Variants in ABCC5 observed in about 807,000 individuals in gnomAD.
ABCC5 encodes the protein ATP-binding cassette sub-family C member 5.
ABCC5 carries 61 observed loss-of-function variants against 160.9 expected under a neutral mutation model. The ratio of observed to expected loss-of-function variants is 0.38; its 90% CI spans 0.31 to 0.47. The LOEUF is 0.47. Among genes scored for constraint, ABCC5 ranks in the 20% least tolerant of loss-of-function variants. The pLI is 0.99. For missense variants in ABCC5, 1,308 were observed against 1,813.3 expected, an observed-to-expected ratio of 0.72 and a Z score of 5.06; for synonymous variants, 666 against 700.6, an observed-to-expected ratio of 0.95 and a Z score of 0.78.
chr3:183,993,483 C>CAAAA (rs57885159), intron 2 of ABCC5, among the ~76,000 whole-genome samples: 35 of 105,288 alleles, frequency 3.3e-4, no homozygotes, highest in Non-Finnish European at 4.8e-4. Flanking sequence ...GACCCTGTCT[C>CAAAA]AAAAAAAAAA....
In ABCC5 at chr3:183,921,352, C is replaced by T. The variant is rs1389885914; in HGVS notation, c.4262G>A (p.Arg1421Gln). ...PSVLLSNDSS[R>Q]FYAMFAAAEN... Reference sequence around the variant, plus strand: ...TGCAGCAGCAAACATGGCATAGAATCGGGAACTGTCGTTGGACAGAAGGAC... The same window carrying T: ...TGCAGCAGCAAACATGGCATAGAATTGGGAACTGTCGTTGGACAGAAGGAC... The change falls in exon 30 of 30, where the codon CGA (arginine) becomes CAA (glutamine). Residue 1421 changes from arginine (R) to glutamine (Q), a missense_variant. Arg to Gln is a conservative substitution (Grantham distance 43). Coordinates refer to ENST00000334444, the MANE Select transcript of ABCC5 (RefSeq NM_005688.4). This position sits in a 1 kb window ranked among gnomAD's most constrained non-coding sequence, Gnocchi z 4.1. The T allele has an allele frequency of 2.5e-6, 4 of 1,612,826 alleles. No homozygotes were observed. The highest frequency in any genetic ancestry group is 1.7e-5 in the Admixed American group (1 of 59,872).
intron 10 of ABCC5, among the ~76,000 whole-genome samples, chr3:183,972,278 G>A (rs1220284326): frequency 6.6e-6 from 1 of 152,198 alleles, no homozygotes; most frequent in Non-Finnish European, 1.5e-5. Context: ...GAAAAGCAAA[G>A]GGCATGCTGA....
chr3:183,952,795 C>T (rs1356590038), intron 18 of ABCC5, among the ~76,000 whole-genome samples: 1 of 152,102 alleles, frequency 6.6e-6, no homozygotes, highest in African/African-American at 2.4e-5. Flanking sequence ...TGTCAAGTAC[C>T]CCGTCTTGGG....
At chr3:183,952,119 G>T in intron 18 of ABCC5, 116 bp from the exon 19 acceptor site, 1 of 1,000,374 alleles carries the variant, frequency 1.0e-6, no homozygotes, top group Non-Finnish European at 1.4e-6. Context: ...CCCACCCTGG[G>T]ACCTGGTCAT....
chr3:183,974,984 A>G (rs142202597), intron 10 of ABCC5, among the ~76,000 whole-genome samples: 1 of 152,226 alleles, frequency 6.6e-6, no homozygotes, highest in African/African-American at 2.4e-5. Flanking sequence ...CACAGGGTGA[A>G]AAGCAGGGCT....
Position 183,947,440 on chromosome 3 carries a change from C to G in ABCC5, c.3298G>C (p.Val1100Leu). 1 of 1,613,428 alleles carries G rather than the reference C, an allele frequency of 6.2e-7. No homozygotes were observed. Among genetic ancestry groups the G allele is most frequent in the Non-Finnish European group, 8.5e-7 (1 of 1,179,464 alleles). The change falls in exon 23 of 30, where the codon GTG becomes CTG. Residue 1100 changes from valine to leucine, a missense_variant. By Grantham distance (32) the Val-to-Leu change is conservative. This residue lies in a region of ABCC5 where 1,142 missense variants were observed against 1,527.1 expected (regional missense o/e 0.75). Coordinates refer to ENST00000334444, the MANE Select transcript of ABCC5 (RefSeq NM_005688.4). ...LFTCAMRWLA[V>L]RLDLISIALI... ...GCGATGCTGATGAGGTCCAGCCGCA[C>G]AGCCAGCCACCGCATCGCACACGTA...
chr3:184,005,526 T>C (rs1437754417), intron 2 of ABCC5, among the ~76,000 whole-genome samples: 4 of 152,042 alleles, frequency 2.6e-5, no homozygotes, highest in African/African-American at 9.7e-5. Flanking sequence ...AGTTTAATAA[T>C]GACAGGTTTA....
intron 14 of ABCC5, among the ~76,000 whole-genome samples, chr3:183,964,567 T>C (rs1253461315): frequency 6.6e-6 from 1 of 152,224 alleles, no homozygotes; most frequent in Non-Finnish European, 1.5e-5. Flanking sequence ...CTGATGCTGA[T>C]GCTGCTGATC....
intron 17 of ABCC5, among the ~76,000 whole-genome samples, chr3:183,954,199 G>T (rs557787726): frequency 2.6e-5 from 4 of 152,254 alleles, no homozygotes; most frequent in African/African-American, 9.6e-5. Flanking sequence ...CCAGGCTGGA[G>T]TGCAGTGGCG....
Position 183,952,001 on chromosome 3 carries a change from G to A in ABCC5, c.2670C>T (p.Asn890=), listed in dbSNP as rs1715403562. 1.9e-6 allele frequency: 3 copies of A among 1,607,384 alleles called. No homozygotes were observed. The highest frequency in any genetic ancestry group is 2.7e-5 in the African/African-American group (2 of 74,806). Residue 890 remains asparagine, a splice_region_variant and synonymous_variant, in exon 19 of 30, where the codon AAC becomes AAT. Coordinates refer to ENST00000334444, the MANE Select transcript of ABCC5 (RefSeq NM_005688.4). ...LSYWIKQGSG[N]TTVTRGNETS... is the part of the protein sequence containing the mutation. ...TCTCGTTCCCTCGAGTCACAGTGGT[G>A]TTCTGTTTGAAGCCAAAGTTCTATG...
intron 2 of ABCC5, among the ~76,000 whole-genome samples, chr3:183,991,316 A>AC (rs397781982): frequency 6.6e-6 from 1 of 151,638 alleles, no homozygotes; most frequent in Non-Finnish European, 1.5e-5. Flanking sequence ...GAAAAAAAAA[A>AC]CAAAAAACAA....
chr3:183,927,478 G>A lies in ABCC5; in HGVS notation c.3934-35C>T. The A allele has an allele frequency of 1.9e-6, 3 of 1,585,314 alleles. No homozygotes were observed. In the South Asian group the frequency reaches 3.4e-5, roughly 18 times the overall value. The stretch of plus-strand genomic sequence containing the variant: ...AAGAAACTAGAGATCAGAGGGGTAA[G>A]AAACTAAGCTGAATTTCCTGAAAAT... On this transcript the variant is annotated intron_variant, in intron 27 of 29. Coordinates refer to ENST00000334444, the MANE Select transcript of ABCC5 (RefSeq NM_005688.4).
chr3:183,999,297 ATATT>A (rs1720554056), intron 2 of ABCC5, among the ~76,000 whole-genome samples: 1 of 152,166 alleles, frequency 6.6e-6, no homozygotes, highest in Admixed American at 6.5e-5. Context: ...GTAAAAATAA[ATATT>A]TTCTACCACA....
intron 2 of ABCC5, among the ~76,000 whole-genome samples, chr3:184,002,088 C>T (rs1391642641): frequency 6.6e-6 from 1 of 152,112 alleles, no homozygotes; most frequent in Non-Finnish European, 1.5e-5. Context: ...CACAGGGAAG[C>T]TAAAGAGGGA....
At chr3:183,986,329 G>A (rs988725086) in intron 5 of ABCC5, 3 of 152,154 alleles carry the variant, frequency 2.0e-5, no homozygotes, top group Non-Finnish European at 2.9e-5. Flanking sequence ...TCCCTGAAAC[G>A]GCAGAGAGAA....
rs979547975 is a variant in ABCC5, at chr3:183,920,322, T to G, written c.*978A>C. The G allele has an allele frequency of 6.6e-6, 1 of 152,558 alleles. No homozygotes were observed. Among genetic ancestry groups the G allele is most frequent in the Non-Finnish European group, 1.5e-5 (1 of 68,060 alleles). The allele number at this position is 152,558 out of a possible 1,614,324, so 9.5% of individuals were successfully genotyped here. On this transcript the variant is annotated 3_prime_UTR_variant, in exon 30 of 30. Transcript: ENST00000334444. The surrounding 1 kb of genome is among the most constrained non-coding windows in gnomAD (Gnocchi z 4.1). Reference sequence around the variant, plus strand: ...GAAATCCTGAGCCCTGCCACTGAACTGTGGAGGTGTGGGAATAGGCAAATG... The same window carrying G: ...GAAATCCTGAGCCCTGCCACTGAACGGTGGAGGTGTGGGAATAGGCAAATG...
At chr3:183,956,680 G>A (rs1171636209) in intron 17 of ABCC5, among the ~76,000 whole-genome samples, 22 of 107,762 alleles carry the variant, frequency 2.0e-4, no homozygotes, top group Admixed American at 4.6e-4. Flanking sequence ...ATATCATATA[G>A]GTTACATGCA....
chr3:183,924,299 C>T (rs1712309235), intron 29 of ABCC5, among the ~76,000 whole-genome samples: 1 of 152,164 alleles, frequency 6.6e-6, no homozygotes, highest in African/African-American at 2.4e-5. Context: ...GGATTACAGG[C>T]ATGAGCCACC....
chr3:183,967,708 G>A lies in ABCC5; in HGVS notation c.1820C>T (p.Ala607Val). Residue 607 changes from alanine (A) to valine (V), a missense_variant, in exon 12 of 30, where the codon GCC becomes GTC. Coordinates refer to ENST00000334444, the MANE Select transcript of ABCC5 (RefSeq NM_005688.4). ...CAAAAATCTTACCTGGCCTAAAATG[G>A]CTGAAATGAGAGAGGTTTTTCCACT... ...VGSGKTSLISAILGQMTLLEG... is the reference protein window; with the variant it reads ...VGSGKTSLISVILGQMTLLEG... 1 of 1,613,620 alleles carries A rather than the reference G, an allele frequency of 6.2e-7. No homozygotes were observed. The highest frequency in any genetic ancestry group is 1.1e-5 in the South Asian group (1 of 91,082).
Sources: gnomAD v4.1 joint callset for allele counts (sites outside exome capture counted in the v4.1 genomes callset) on GRCh38, gnomAD v4.1.1 for gene constraint, gnomAD v4.1.1 regional missense constraint, Gnocchi (gnomAD v3.1) non-coding constraint, MANE v1.5 for transcripts, NCBI Gene and HGNC (gene_info 2026-07-23, HGNC 2026-07-21) for gene names.